Variants in MYO5A observed in about 807,000 individuals in gnomAD.
The protein encoded by MYO5A is myosin VA, also known as unconventional myosin-Va.
A neutral mutation model predicts 249.7 loss-of-function variants in MYO5A; 98 were observed. That is an observed-to-expected ratio of 0.39 (90% CI 0.33 to 0.46). The LOEUF (loss-of-function observed/expected upper bound fraction) is 0.46, where lower values mean the gene tolerates loss of function less well. MYO5A is among the 20% of genes least tolerant of loss of function. The probability of loss-of-function intolerance (pLI) is 0.98; values close to 1 mark genes in which losing one functional copy is unlikely to be tolerated. For missense variants in MYO5A, 1,696 were observed against 2,308.8 expected, an observed-to-expected ratio of 0.73 and a Z score of 5.44; for synonymous variants, 778 against 810.6, an observed-to-expected ratio of 0.96 and a Z score of 0.68.
intron 2 of MYO5A, among the ~76,000 whole-genome samples, chr15:52,431,231 CAAA>C (rs1333488857): frequency 6.5e-5 from 3 of 45,850 alleles, no homozygotes; most frequent in African/African-American, 2.6e-4. Flanking sequence ...AATTCCGTCT[CAAA>C]AAAAAAAAAA....
intron 35 of MYO5A, 57 bp from the exon 36 acceptor site, chr15:52,328,063 A>C: frequency 2.9e-6 from 4 of 1,360,408 alleles, no homozygotes; most frequent in East Asian, 2.5e-5. Flanking sequence ...CGAGGCATGC[A>C]TTGTGAGATA....
chr15:52,363,832 A>T (rs1042607083), intron 24 of MYO5A, among the ~76,000 whole-genome samples: 2 of 152,256 alleles, frequency 1.3e-5, no homozygotes, highest in African/African-American at 4.8e-5. Context: ...CTTGAAATAG[A>T]TAATTCATTA....
intron 1 of MYO5A, among the ~76,000 whole-genome samples, chr15:52,450,100 A>G (rs1024596842): frequency 6.6e-6 from 1 of 152,232 alleles, no homozygotes; most frequent in African/African-American, 2.4e-5. Flanking sequence ...TGGGAGGATC[A>G]CTTGAGCTCA....
At chr15:52,430,613 GTTC>G (rs1459724794) in intron 2 of MYO5A, among the ~76,000 whole-genome samples, 5 of 152,082 alleles carry the variant, frequency 3.3e-5, no homozygotes, top group Admixed American at 3.3e-4. Flanking sequence ...TATAATGTCT[GTTC>G]TTCTTGTTTG....
At position 52,364,501 on chromosome 15, in the gene MYO5A, T is replaced by C. The variant is rs567947787; in HGVS notation, c.3309+53A>G. 478 of 1,528,632 alleles carry C rather than the reference T, an allele frequency of 3.1e-4. No individual in the cohort carries two copies. In the Middle Eastern group the frequency reaches 3.3e-3, roughly 11 times the overall value. 94.7% of individuals were successfully genotyped at this position (1,528,632 alleles called of 1,614,324 possible). On this transcript the variant is annotated intron_variant, in intron 24 of 41. Transcript: ENST00000399233. ...GTTCATTCTACTATTCTATTTACTTTTGTATATGTTTAAAATTTTTCATTA... is the reference window on the plus strand; with the variant it reads ...GTTCATTCTACTATTCTATTTACTTCTGTATATGTTTAAAATTTTTCATTA...
chr15:52,313,706 G>A lies in MYO5A; in HGVS notation c.5633C>T (p.Ser1878Leu). 6.2e-7 allele frequency: 1 copy of A among 1,614,188 alleles called. No individual in the cohort carries two copies. Among genetic ancestry groups the A allele is most frequent in the South Asian group, 1.1e-5 (1 of 91,084 alleles). The stretch of plus-strand genomic sequence containing the variant: ...GCCTGGACATCACTTTCAGACCCGT[G>A]AAATGAAGCCCAGGCCGAGGCTGGC... ...IPASLGLGFI[S>L]RV The change falls in exon 42 of 42, where the codon TCA becomes TTA. Residue 1878 changes from serine to leucine, a missense_variant. Transcript: ENST00000399233.
In MYO5A at chr15:52,311,767, G is replaced by T. The variant is rs1364317612; in HGVS notation, c.*1929C>A. The T allele has an allele frequency of 2.6e-5, 4 of 152,530 alleles. No homozygotes were observed. Among genetic ancestry groups the T allele is most frequent in the Non-Finnish European group, 5.9e-5 (4 of 68,016 alleles). The allele number at this position is 152,530 out of a possible 1,614,324, so 9.4% of individuals were successfully genotyped here. A position where few individuals can be genotyped will look rare whatever the true frequency, so the allele number is the denominator to read the frequency against. ...CTAGAATCTAAGGGCTGAGAAGAGA[G>T]AATTTTAAATGTGGAGGAGATGTTA... On this transcript the variant is annotated 3_prime_UTR_variant, in exon 42 of 42. Transcript: ENST00000399233.
At chr15:52,502,416 A>T in intron 1 of MYO5A, among the ~76,000 whole-genome samples, 1 of 152,242 alleles carries the variant, frequency 6.6e-6, no homozygotes, top group East Asian at 1.9e-4. Flanking sequence ...AAAATATAAA[A>T]TAAAGCTCGT....
chr15:52,394,221 T>C (rs2042385506), intron 11 of MYO5A, among the ~76,000 whole-genome samples: 2 of 152,228 alleles, frequency 1.3e-5, no homozygotes, highest in African/African-American at 2.4e-5. Context: ...CCCACGTTCC[T>C]AGTCACAGCT....
At chr15:52,454,250 A>C (rs1283532120) in intron 1 of MYO5A, among the ~76,000 whole-genome samples, 3 of 152,168 alleles carry the variant, frequency 2.0e-5, no homozygotes, top group Non-Finnish European at 4.4e-5. Flanking sequence ...CAAGTCAAAG[A>C]CTGTAAAAAG....
At chr15:52,359,742 ATT>A (rs1262234440) in intron 25 of MYO5A, among the ~76,000 whole-genome samples, 2 of 152,256 alleles carry the variant, frequency 1.3e-5, no homozygotes, top group Non-Finnish European at 2.9e-5. Context: ...AAAAATTAAA[ATT>A]AAAATTTGTA....
At chr15:52,515,791 G>A (rs1210707354) in intron 1 of MYO5A, among the ~76,000 whole-genome samples, 1 of 152,192 alleles carries the variant, frequency 6.6e-6, no homozygotes, top group African/African-American at 2.4e-5. Context: ...CATCAGCACA[G>A]GGCTGGCACC....
At chr15:52,337,484 GCTA>G (rs1202997986) in intron 33 of MYO5A, among the ~76,000 whole-genome samples, 1 of 152,236 alleles carries the variant, frequency 6.6e-6, no homozygotes, top group Non-Finnish European at 1.5e-5. Context: ...AGTAGATTTA[GCTA>G]CTAGGCCAAC....
intron 1 of MYO5A, among the ~76,000 whole-genome samples, chr15:52,519,485 G>A (rs1019044031): frequency 1.3e-5 from 2 of 151,946 alleles, no homozygotes; most frequent in South Asian, 4.2e-4. Flanking sequence ...GGTGGCATGC[G>A]CTTACAGTCC....
chr15:52,343,229 A>G (rs2039462248), intron 30 of MYO5A, 32 bp from the exon 31 acceptor site: 1 of 1,545,512 alleles, frequency 6.5e-7, no homozygotes, highest in Non-Finnish European at 8.9e-7. Context: ...AATGCAAAAC[A>G]CAAAAGGATA....
chr15:52,400,884 A>G (rs1331853727), intron 9 of MYO5A, among the ~76,000 whole-genome samples: 4 of 152,202 alleles, frequency 2.6e-5, no homozygotes, highest in Non-Finnish European at 5.9e-5. Context: ...TACCAGATCA[A>G]TATACTATTA....
chr15:52,505,274 T>C (rs2077245753), intron 1 of MYO5A: 2 of 776,328 alleles, frequency 2.6e-6, no homozygotes, highest in Non-Finnish European at 2.4e-6. Flanking sequence ...AAGGGGTATG[T>C]GCCATCACAA....
chr15:52,379,644 A>C lies in MYO5A; in HGVS notation c.2189T>G (p.Val730Gly). ...TCTCACCAGTATCAGTTTCTCTAAC[A>C]CATTCTTGCATGTTTGCTTTCTGTC... ...LSDRKQTCKN[V>G]LEKLILDKDK... is the part of the protein sequence containing the mutation. Residue 730 changes from valine (V) to glycine (G), a missense_variant, in exon 18 of 42, where the codon GTG (valine) becomes GGG (glycine). By Grantham distance (109) the Val-to-Gly change is moderately radical. Around this residue, in one of 5 missense-constraint regions of MYO5A, gnomAD observed 277 missense variants for 422.4 expected, o/e 0.66. Transcript: ENST00000399233. The C allele has an allele frequency of 6.2e-7, 1 of 1,613,952 alleles. No homozygotes were observed. The highest frequency in any genetic ancestry group is 8.5e-7 in the Non-Finnish European group (1 of 1,179,822).
chr15:52,430,038 G>A (rs539229119), intron 2 of MYO5A, among the ~76,000 whole-genome samples: 2 of 152,248 alleles, frequency 1.3e-5, no homozygotes, highest in Non-Finnish European at 2.9e-5. Context: ...TTGTAGGGAG[G>A]GACAAGGTTT....
Sources: allele counts gnomAD v4.1 joint callset (sites outside exome capture counted in the v4.1 genomes callset), GRCh38; gene constraint gnomAD v4.1.1; regional missense constraint gnomAD v4.1.1; transcripts MANE v1.5; gene names NCBI Gene and HGNC (gene_info 2026-07-23, HGNC 2026-07-21).